Variants in HS3ST5 observed in about 807,000 individuals in gnomAD.
HS3ST5 encodes heparan sulfate-glucosamine 3-sulfotransferase 5.
Under a neutral mutation model 25.4 loss-of-function variants are expected in HS3ST5, and 10 were observed. That is an observed-to-expected ratio of 0.39 (90% CI 0.24 to 0.67). The LOEUF is 0.67. Ranked by LOEUF, HS3ST5 falls within the 30% of genes least tolerant of loss-of-function variation. The pLI is 0.44. For missense variants in HS3ST5, 324 were observed against 420.7 expected (o/e 0.77, Z 2.01); for synonymous variants, 170 against 162.4 (o/e 1.05, Z -0.36).
At chr6:114,098,033 G>C (rs911611437) in intron 3 of HS3ST5, among the ~76,000 whole-genome samples, 2 of 151,858 alleles carry the variant, frequency 1.3e-5, no homozygotes, top group African/African-American at 4.8e-5. Context: ...CACTAGTATA[G>C]TACTTGGAAA....
chr6:114,266,369 A>T (rs1488822752), intron 1 of HS3ST5, among the ~76,000 whole-genome samples: 1 of 152,194 alleles, frequency 6.6e-6, no homozygotes, highest in African/African-American at 2.4e-5. Flanking sequence ...ATTTGGCAAA[A>T]AATTTAAGAT....
At chr6:114,122,732 G>T (rs1268856467) in intron 3 of HS3ST5, among the ~76,000 whole-genome samples, 1 of 152,154 alleles carries the variant, frequency 6.6e-6, no homozygotes, top group Non-Finnish European at 1.5e-5. Context: ...CCCTACCTTG[G>T]AGGAGTGTGT....
At chr6:114,108,051 CAG>C (rs1192076901) in intron 3 of HS3ST5, among the ~76,000 whole-genome samples, 1 of 151,896 alleles carries the variant, frequency 6.6e-6, no homozygotes, top group Non-Finnish European at 1.5e-5. Context: ...CAGATATAAA[CAG>C]ATGTGTGTGC....
chr6:114,265,471 C>A (rs929209956), intron 1 of HS3ST5, among the ~76,000 whole-genome samples: 1 of 151,996 alleles, frequency 6.6e-6, no homozygotes, highest in Non-Finnish European at 1.5e-5. Context: ...AGAGATAGAA[C>A]GTAGTGGCTG....
At chr6:114,143,584 C>T (rs1054472691) in intron 3 of HS3ST5, 3 of 152,146 alleles carry the variant, frequency 2.0e-5, no homozygotes, top group East Asian at 1.9e-4. Flanking sequence ...GGATCATGAA[C>T]GGAGGGATCT....
chr6:114,195,357 G>A (rs1780685673), intron 2 of HS3ST5, among the ~76,000 whole-genome samples: 1 of 152,124 alleles, frequency 6.6e-6, no homozygotes, highest in Non-Finnish European at 1.5e-5. Context: ...TCAAACTGAG[G>A]AGCTATAGAG....
In HS3ST5 at chr6:114,084,779, G is replaced by A. The variant is rs576411391; in HGVS notation, c.-32-21902C>T. 8.0e-6 allele frequency: 6 copies of A among 750,976 alleles called. No homozygotes were observed. In the Admixed American group the frequency reaches 8.7e-5, roughly 11 times the overall value. 46.5% of individuals were successfully genotyped at this position (750,976 alleles called of 1,614,324 possible). On this transcript the variant is annotated intron_variant, in intron 3 of 4. Transcript: ENST00000312719. ...AATTGGAGTGGCTCCAGTGGCAGCAGCAAACTTAAGCATATTTTCAAACTC... is the reference window on the plus strand; with the variant it reads ...AATTGGAGTGGCTCCAGTGGCAGCAACAAACTTAAGCATATTTTCAAACTC...
intron 1 of HS3ST5, among the ~76,000 whole-genome samples, chr6:114,263,363 C>T (rs890860970): frequency 1.3e-5 from 2 of 152,018 alleles, no homozygotes; most frequent in Non-Finnish European, 2.9e-5. Flanking sequence ...CTTCACTATG[C>T]TCTGAACTCT....
At chr6:114,298,417 G>T (rs979239565) in intron 1 of HS3ST5, among the ~76,000 whole-genome samples, 7 of 152,190 alleles carry the variant, frequency 4.6e-5, no homozygotes, top group Non-Finnish European at 8.8e-5. Flanking sequence ...CACTTATTAT[G>T]TGTCAGACAT....
At chr6:114,260,058 C>T (rs901522119) in intron 1 of HS3ST5, among the ~76,000 whole-genome samples, 1 of 152,204 alleles carries the variant, frequency 6.6e-6, no homozygotes, top group South Asian at 2.1e-4. Flanking sequence ...CAAAATGCCA[C>T]ATACAGATAA....
In HS3ST5 at chr6:114,328,184, TTAAGTACAG is replaced by T. The variant is rs1222416028; in HGVS notation, c.-339+14002_-339+14010del. Among the ~76,000 whole-genome samples the T allele has an allele frequency of 6.0e-5, 9 of 150,338 alleles. No homozygotes were observed. The East Asian group carries it at 1.8e-3, about 29-fold the overall frequency. ...CCATAAACTAGAGATGTGTATAGGG[TTAAGTACAG>T]AAGGTAAAGAAGAAGTGAAAAAAGG... On this transcript the variant is annotated intron_variant, in intron 1 of 4. Coordinates refer to ENST00000312719, the MANE Select transcript of HS3ST5 (RefSeq NM_153612.4).
At chr6:114,087,917 C>G (rs1290546512) in intron 3 of HS3ST5, among the ~76,000 whole-genome samples, 1 of 152,188 alleles carries the variant, frequency 6.6e-6, no homozygotes, top group Non-Finnish European at 1.5e-5. Context: ...TAATAACTTT[C>G]CATAGCCTAG....
intron 1 of HS3ST5, among the ~76,000 whole-genome samples, chr6:114,305,113 A>C (rs1775235023): frequency 6.6e-6 from 1 of 152,072 alleles, no homozygotes; most frequent in African/African-American, 2.4e-5. Flanking sequence ...ACTAAGCATA[A>C]ATTTTACCAT....
intron 1 of HS3ST5, among the ~76,000 whole-genome samples, chr6:114,291,477 G>A (rs1187564096): frequency 6.6e-6 from 1 of 152,092 alleles, no homozygotes; most frequent in Non-Finnish European, 1.5e-5. Context: ...TATTAAGCAG[G>A]GACTGAACCT....
At chr6:114,130,770 C>T (rs1050328742) in intron 3 of HS3ST5, among the ~76,000 whole-genome samples, 8 of 152,186 alleles carry the variant, frequency 5.3e-5, no homozygotes, top group Non-Finnish European at 1.0e-4. Flanking sequence ...GGGGTTTCAC[C>T]GTGTTAGCCA....
At chr6:114,136,223 C>G (rs1777598937) in intron 3 of HS3ST5, among the ~76,000 whole-genome samples, 1 of 152,196 alleles carries the variant, frequency 6.6e-6, no homozygotes, top group Admixed American at 6.5e-5. Flanking sequence ...TTCAGTAAGT[C>G]CCACGTGTCA....
chr6:114,251,347 C>A (rs1035189531), intron 1 of HS3ST5, among the ~76,000 whole-genome samples: 1 of 152,170 alleles, frequency 6.6e-6, no homozygotes, highest in East Asian at 1.9e-4. Flanking sequence ...TGATGCATAT[C>A]CCCTCAAATC....
At chr6:114,271,668 C>T (rs1773642690) in intron 1 of HS3ST5, among the ~76,000 whole-genome samples, 1 of 152,066 alleles carries the variant, frequency 6.6e-6, no homozygotes, top group Non-Finnish European at 1.5e-5. Flanking sequence ...TTTATCCCCT[C>T]ATTGCCTCCC....
chr6:114,124,230 G>T (rs1471837246), intron 3 of HS3ST5, among the ~76,000 whole-genome samples: 2 of 152,096 alleles, frequency 1.3e-5, no homozygotes, highest in Non-Finnish European at 2.9e-5. Flanking sequence ...TGCACTAAAT[G>T]ACTGGGCTGA....
Sources: allele counts gnomAD v4.1 joint callset (sites outside exome capture counted in the v4.1 genomes callset), GRCh38; gene constraint gnomAD v4.1.1; transcripts MANE v1.5; gene names NCBI Gene and HGNC (gene_info 2026-07-23, HGNC 2026-07-21).